Variants in PLXNA4 observed in about 807,000 individuals in gnomAD.
The protein encoded by PLXNA4 is plexin A4.
Under a neutral mutation model 191.8 loss-of-function variants are expected in PLXNA4, and 44 were observed. That is an observed-to-expected ratio of 0.23 (90% CI 0.18 to 0.29). PLXNA4 has a LOEUF of 0.29. Ranked by LOEUF, PLXNA4 falls within the 10% of genes least tolerant of loss-of-function variation. The pLI is 1.00. For synonymous variants in PLXNA4, 1,082 were observed against 1,009.5 expected, an observed-to-expected ratio of 1.07 and a Z score of -1.36; for missense variants, 1,800 against 2,488.8, an observed-to-expected ratio of 0.72 and a Z score of 5.89.
rs78017830 is a variant in PLXNA4 at position 132,540,484 on chromosome 7, T to C, written c.-86-31705A>G. 6.9e-3 allele frequency among the ~76,000 whole-genome samples: 1,045 copies of C among 151,526 alleles called. 12 individuals carry two copies. The highest frequency in any genetic ancestry group is 0.024 in the African/African-American group (992 of 41,290). On this transcript the variant is annotated intron_variant, in intron 1 of 31. Coordinates refer to ENST00000321063, the MANE Select transcript of PLXNA4 (RefSeq NM_020911.2). Reference sequence around the variant, plus strand: ...AGGCAAACATTTTCCAACACGGTGTTAGTAGGAATTCCCCAAATTTCCCCA... The same window carrying C: ...AGGCAAACATTTTCCAACACGGTGTCAGTAGGAATTCCCCAAATTTCCCCA...
intron 5 of PLXNA4, among the ~76,000 whole-genome samples, chr7:132,230,383 C>T (rs1369291042): frequency 1.3e-5 from 2 of 152,200 alleles, no homozygotes; most frequent in Non-Finnish European, 2.9e-5. Context: ...ATTTTCCCCT[C>T]AATCTTTCTG....
chr7:132,517,780 G>A (rs1417882855), intron 1 of PLXNA4, among the ~76,000 whole-genome samples: 1 of 152,200 alleles, frequency 6.6e-6, no homozygotes, highest in African/African-American at 2.4e-5. Flanking sequence ...TTCCAAGTTT[G>A]GGGCTCAGGG....
At chr7:132,447,825 TAA>T (rs55973151) in intron 3 of PLXNA4, among the ~76,000 whole-genome samples, 103,451 of 149,702 alleles carry the variant, frequency 0.69, 41,393 homozygotes, top group Non-Finnish European at 0.89. Context: ...CACCTGTACT[TAA>T]AAAAAAAAAA....
At chr7:132,382,947 T>C (rs1423822656) in intron 3 of PLXNA4, among the ~76,000 whole-genome samples, 6 of 152,228 alleles carry the variant, frequency 3.9e-5, no homozygotes, top group African/African-American at 1.2e-4. Flanking sequence ...TGCGTGTCTA[T>C]GTCTTAGTGT....
At chr7:132,269,981 G>C (rs1011013896) in intron 4 of PLXNA4, among the ~76,000 whole-genome samples, 1 of 152,172 alleles carries the variant, frequency 6.6e-6, no homozygotes, top group East Asian at 1.9e-4. Flanking sequence ...GGATTGACAG[G>C]AATAATAAAA....
At chr7:132,447,145 A>C (rs156677) in intron 3 of PLXNA4, among the ~76,000 whole-genome samples, 147,281 of 152,280 alleles carry the variant, frequency 0.97, 71,286 homozygotes, top group East Asian at 1. Flanking sequence ...GGTTGATTTC[A>C]CCTTAGAGGC....
At chr7:132,622,867 G>A (rs1411457993) in intron 2 of PLXNA4, among the ~76,000 whole-genome samples, 1 of 152,214 alleles carries the variant, frequency 6.6e-6, no homozygotes, top group Non-Finnish European at 1.5e-5. Context: ...ATCTGTTGAA[G>A]TTGACTTTCT....
chr7:132,390,003 G>C (rs749590407), intron 3 of PLXNA4, among the ~76,000 whole-genome samples: 1 of 152,182 alleles, frequency 6.6e-6, no homozygotes, highest in Non-Finnish European at 1.5e-5. Context: ...GTGAAAGACA[G>C]TGTGGAGATT....
intron 2 of PLXNA4, among the ~76,000 whole-genome samples, chr7:132,633,330 T>C (rs899201843): frequency 2.0e-5 from 3 of 150,840 alleles, no homozygotes; most frequent in Non-Finnish European, 2.9e-5. Flanking sequence ...ATCACCAGAC[T>C]GGAGTGCAGT....
chr7:132,221,432 T>C (rs1243854504), intron 9 of PLXNA4, among the ~76,000 whole-genome samples: 2 of 152,158 alleles, frequency 1.3e-5, no homozygotes, highest in Non-Finnish European at 2.9e-5. Context: ...TCAACTCCCA[T>C]CAAGTTATTT....
At chr7:132,384,682 G>A (rs1409380632) in intron 3 of PLXNA4, 1 of 1,004,432 alleles carries the variant, frequency 1.0e-6, no homozygotes, top group Non-Finnish European at 1.2e-6. Flanking sequence ...TGATGCTGCA[G>A]TACGGTGGGC....
At chr7:132,342,768 G>A (rs1231894348) in intron 3 of PLXNA4, among the ~76,000 whole-genome samples, 3 of 151,882 alleles carry the variant, frequency 2.0e-5, no homozygotes, top group Non-Finnish European at 2.9e-5. Context: ...CCAACATGGC[G>A]AAATCCCATC....
intron 1 of PLXNA4, among the ~76,000 whole-genome samples, chr7:132,574,394 G>A (rs899300453): frequency 3.9e-5 from 6 of 152,240 alleles, no homozygotes; most frequent in African/African-American, 9.6e-5. Context: ...TGCTGTACGC[G>A]TAGGTGGGAT....
At chr7:132,622,143 A>G (rs900935316) in intron 2 of PLXNA4, among the ~76,000 whole-genome samples, 2 of 151,758 alleles carry the variant, frequency 1.3e-5, no homozygotes, top group Non-Finnish European at 2.9e-5. Context: ...GCCTATAAAA[A>G]CCTTCCGCAC....
At chr7:132,530,229 G>C (rs1245632894) in intron 1 of PLXNA4, among the ~76,000 whole-genome samples, 2 of 152,170 alleles carry the variant, frequency 1.3e-5, no homozygotes, top group African/African-American at 4.8e-5. Flanking sequence ...TGGCTTCACA[G>C]GTCAAAACTT....
At chr7:132,228,719 C>T (rs571831769) in intron 5 of PLXNA4, among the ~76,000 whole-genome samples, 1 of 152,224 alleles carries the variant, frequency 6.6e-6, no homozygotes, top group South Asian at 2.1e-4. Context: ...CCCTCATCCT[C>T]TCCAAACTCA....
At chr7:132,243,639 T>A (rs1013955994) in intron 4 of PLXNA4, among the ~76,000 whole-genome samples, 1 of 152,220 alleles carries the variant, frequency 6.6e-6, no homozygotes, top group African/African-American at 2.4e-5. Context: ...GTTCAAATTC[T>A]GGCTTAACAT....
intron 3 of PLXNA4, among the ~76,000 whole-genome samples, chr7:132,329,711 C>T (rs1275686699): frequency 1.3e-5 from 2 of 152,138 alleles, no homozygotes; most frequent in African/African-American, 4.8e-5. Context: ...AGGAAACAAA[C>T]GGGTTGACTC....
intron 10 of PLXNA4, among the ~76,000 whole-genome samples, chr7:132,205,236 C>T (rs961602305): frequency 1.3e-5 from 2 of 152,144 alleles, no homozygotes; most frequent in East Asian, 3.9e-4. Flanking sequence ...CCACTTTAGA[C>T]TGGTGGCTCT....
Sources: allele counts gnomAD v4.1 joint callset (sites outside exome capture counted in the v4.1 genomes callset), GRCh38; gene constraint gnomAD v4.1.1; transcripts MANE v1.5; gene names NCBI Gene and HGNC (gene_info 2026-07-23, HGNC 2026-07-21).